KAZALD1: variants seen among roughly 807,000 people sequenced by gnomAD.
KAZALD1 encodes Kazal type serine peptidase inhibitor domain 1.
Under a neutral mutation model 27.7 loss-of-function variants are expected in KAZALD1, and 31 were observed. The observed-to-expected ratio is 1.12, with a 90% confidence interval of 0.84 to 1.51. KAZALD1 has a LOEUF of 1.51. KAZALD1 is among the 40% of genes most tolerant of loss of function. The pLI is 0.00. For synonymous variants in KAZALD1, 179 were observed against 182.0 expected (o/e 0.98, Z 0.13); for missense variants, 444 against 408.9 (o/e 1.09, Z -0.74).
Position 101,065,167 on chromosome 10 carries a change from GC to G in KAZALD1, c.*250del, listed in dbSNP as rs1939288440. The G allele has an allele frequency of 1.2e-5, 6 of 489,470 alleles. No individual in the cohort carries two copies. The South Asian group carries it at 1.4e-4, about 11-fold the overall frequency. The allele number at this position is 489,470 out of a possible 1,614,324, so 30.3% of individuals were successfully genotyped here. A position where few individuals can be genotyped will look rare whatever the true frequency, so the allele number is the denominator to read the frequency against. ...GTACAAAGGGGCCCATGCAGGAGAT[GC>G]CCTGGCCAGTAGGACCTCCAACAGG... On this transcript the variant is annotated 3_prime_UTR_variant, in exon 5 of 5. Transcript: ENST00000370200.
chr10:101,062,861 G>T lies in KAZALD1; in HGVS notation c.269G>T (p.Cys90Phe). The stretch of plus-strand genomic sequence containing the variant: ...TGCGCCAACCTCGAGGGCCAGCTCT[G>T]CGACCTGGACCCCAGTGCTCACTTC... ...WECANLEGQL[C>F]DLDPSAHFYG... Residue 90 changes from cysteine (C) to phenylalanine (F), a missense_variant, in exon 2 of 5, where the codon TGC becomes TTC. By Grantham distance (205) the Cys-to-Phe change is radical. Transcript: ENST00000370200. 1 of 1,600,096 alleles carries T rather than the reference G, an allele frequency of 6.2e-7. No individual in the cohort carries two copies.
In KAZALD1 at chr10:101,064,547, T is replaced by C; in HGVS notation, c.719T>C (p.Ile240Thr). Residue 240 changes from isoleucine to threonine, a missense_variant, in exon 4 of 5, where the codon ATC becomes ACC. By Grantham distance (89) the Ile-to-Thr change is moderately conservative (BLOSUM62 -1). Transcript: ENST00000370200. ...TTTGAGGTGACTGGCTGGCTGCAGA[T>C]CCAGGCTGTGCGTCCCAGTGATGAG... is the stretch of plus-strand genomic sequence containing the variant. ...QRFEVTGWLQ[I>T]QAVRPSDEGT... The C allele has an allele frequency of 6.2e-7, 1 of 1,614,150 alleles. No homozygotes were observed. Among genetic ancestry groups the C allele is most frequent in the Non-Finnish European group, 8.5e-7 (1 of 1,180,034 alleles).
rs768557290 is a variant in KAZALD1, at chr10:101,066,543, A to G, written c.*1623A>G. 9 of 440,320 alleles carry G rather than the reference A, an allele frequency of 2.0e-5. No individual in the cohort carries two copies. Among genetic ancestry groups the G allele is most frequent in the Non-Finnish European group, 3.7e-5 (8 of 214,366 alleles). 27.3% of individuals were successfully genotyped at this position (440,320 alleles called of 1,614,324 possible). A position where few individuals can be genotyped will look rare whatever the true frequency, so the allele number is the denominator to read the frequency against. ...CCAGGGCGCCCACAGAAGCAGAATCAGAGGGGTAGGCGGGGGTGGGGCGTG... is the reference window on the plus strand; with the variant it reads ...CCAGGGCGCCCACAGAAGCAGAATCGGAGGGGTAGGCGGGGGTGGGGCGTG... On this transcript the variant is annotated 3_prime_UTR_variant, in exon 5 of 5. Transcript: ENST00000370200.
chr10:101,066,192 G>A lies in KAZALD1; in HGVS notation c.*1272G>A, dbSNP rs986345130. Reference sequence around the variant, plus strand: ...AGTCAGCGAGGCCGAGGCGCTGTGTGTAGATGGCGACAGCCTCCTACACGC... The same window carrying A: ...AGTCAGCGAGGCCGAGGCGCTGTGTATAGATGGCGACAGCCTCCTACACGC... On this transcript the variant is annotated 3_prime_UTR_variant, in exon 5 of 5. Transcript: ENST00000370200. 13 of 341,314 alleles carry A rather than the reference G, an allele frequency of 3.8e-5. No homozygotes were observed. The highest frequency in any genetic ancestry group is 2.8e-4 in the African/African-American group (13 of 46,518). The allele number at this position is 341,314 out of a possible 1,614,324, so 21.1% of individuals were successfully genotyped here.
chr10:101,068,017 T>G (rs776610987), downstream of KAZALD1: 10 of 471,764 alleles, frequency 2.1e-5, no homozygotes, highest in South Asian at 1.4e-4. Context: ...GTACAGGAAG[T>G]AGCGAAGGAG....
chr10:101,064,206 A>T (rs1007698685), intron 2 of KAZALD1, 55 bp from the exon 3 acceptor site: 46 of 1,601,914 alleles, frequency 2.9e-5, no homozygotes, highest in Admixed American at 6.7e-5. Flanking sequence ...TCTTTGCCAG[A>T]CTGGATGCCT....
Position 101,066,180 on chromosome 10 carries a change from G to A in KAZALD1, c.*1260G>A, listed in dbSNP as rs190873125. 1 of 331,252 alleles carries A rather than the reference G, an allele frequency of 3.0e-6. No homozygotes were observed. Among genetic ancestry groups the A allele is most frequent in the African/African-American group, 2.2e-5 (1 of 46,296 alleles). The allele number at this position is 331,252 out of a possible 1,614,324, so 20.5% of individuals were successfully genotyped here. ...AATGAAAGCATAAGTCAGCGAGGCCGAGGCGCTGTGTGTAGATGGCGACAG... is the reference window on the plus strand; with the variant it reads ...AATGAAAGCATAAGTCAGCGAGGCCAAGGCGCTGTGTGTAGATGGCGACAG... On this transcript the variant is annotated 3_prime_UTR_variant, in exon 5 of 5. Coordinates refer to ENST00000370200, the MANE Select transcript of KAZALD1 (RefSeq NM_030929.5).
Position 101,065,193 on chromosome 10 carries a change from G to T in KAZALD1, c.*273G>T. On this transcript the variant is annotated 3_prime_UTR_variant, in exon 5 of 5. Coordinates refer to ENST00000370200, the MANE Select transcript of KAZALD1 (RefSeq NM_030929.5). ...CCCTGGCCAGTAGGACCTCCAACAG[G>T]TTGTTTCCCAGGCTGGGGTGGGGGC... 1 of 422,004 alleles carries T rather than the reference G, an allele frequency of 2.4e-6. No individual in the cohort carries two copies. Among genetic ancestry groups the T allele is most frequent in the South Asian group, 2.8e-5 (1 of 35,232 alleles). The allele number at this position is 422,004 out of a possible 1,614,324, so 26.1% of individuals were successfully genotyped here.
In KAZALD1 at chr10:101,062,945, G is replaced by A. The variant is rs1219347913; in HGVS notation, c.353G>A (p.Arg118His). Residue 118 changes from arginine to histidine, a missense_variant, in exon 2 of 5, where the codon CGC becomes CAC. Physicochemically the swap from Arg to His is conservative, Grantham distance 29. Coordinates refer to ENST00000370200, the MANE Select transcript of KAZALD1 (RefSeq NM_030929.5). ...CRLDTGGDLS[R>H]GEVPEPLCAC... ...CTGGACACAGGCGGCGACCTGAGCCGCGGAGAGGTGCCGGAACCTCTGTGT... is the reference window on the plus strand; with the variant it reads ...CTGGACACAGGCGGCGACCTGAGCCACGGAGAGGTGCCGGAACCTCTGTGT... 2.5e-6 allele frequency: 4 copies of A among 1,601,976 alleles called. No individual in the cohort carries two copies. The African/African-American group carries it at 4.0e-5, about 16-fold the overall frequency.
chr10:101,067,834 G>A, downstream of KAZALD1: 1 of 440,330 alleles, frequency 2.3e-6, no homozygotes, highest in Admixed American at 2.7e-5. Flanking sequence ...AGATGAACCC[G>A]ACTCAGAGAG....
At chr10:101,064,129 A>G in intron 2 of KAZALD1, 132 bp from the exon 3 acceptor site, 1 of 842,016 alleles carries the variant, frequency 1.2e-6, no homozygotes, top group Non-Finnish European at 1.9e-6. Context: ...GTGTTTATGG[A>G]TGTGTATTTA....
chr10:101,065,927 G>A lies in KAZALD1; in HGVS notation c.*1007G>A, dbSNP rs753387701. ...CCAAAATGAAAGCATAAACTGGATA[G>A]AGGAGGGTGGAAGTTTGGTCACCTG... On this transcript the variant is annotated 3_prime_UTR_variant, in exon 5 of 5. Transcript: ENST00000370200. 5.9e-5 allele frequency among the ~76,000 whole-genome samples: 9 copies of A among 152,212 alleles called. No individual in the cohort carries two copies. The highest frequency in any genetic ancestry group is 1.2e-4 in the Non-Finnish European group (8 of 68,032).
chr10:101,064,915 T>C lies in KAZALD1; in HGVS notation c.910T>C (p.Tyr304His), dbSNP rs1939281005. 1 of 1,611,514 alleles carries C rather than the reference T, an allele frequency of 6.2e-7. No individual in the cohort carries two copies. The highest frequency in any genetic ancestry group is 8.5e-7 in the Non-Finnish European group (1 of 1,177,780). Reference sequence around the variant, plus strand: ...TGAGAGTGAAGAGAATGACGATTACTACTAGGTCCAGAGCTCTGGCCCATG... The same window carrying C: ...TGAGAGTGAAGAGAATGACGATTACCACTAGGTCCAGAGCTCTGGCCCATG... ...EAESEENDDY[Y>H] The change falls in exon 5 of 5, where the codon TAC (tyrosine) becomes CAC (histidine). Residue 304 changes from tyrosine (Y) to histidine (H), a missense_variant. Physicochemically the swap from Tyr to His is moderately conservative, Grantham distance 83. Transcript: ENST00000370200.
Position 101,062,801 on chromosome 10 carries a change from G to C in KAZALD1, c.209G>C (p.Gly70Ala), listed in dbSNP as rs762455173. ...GCCGCGCCGCGGGGCTGCCTGGCGG[G>C]CAGGGTGCGCGACGCGTGCGGCTGC... ...ECAAPRGCLA[G>A]RVRDACGCCW... Residue 70 changes from glycine (G) to alanine (A), a missense_variant, in exon 2 of 5, where the codon GGC becomes GCC. Coordinates refer to ENST00000370200, the MANE Select transcript of KAZALD1 (RefSeq NM_030929.5). 28 of 1,576,062 alleles carry C rather than the reference G, an allele frequency of 1.8e-5. No individual in the cohort carries two copies. In the South Asian group the frequency reaches 3.1e-4, roughly 17 times the overall value.
chr10:101,064,805 T>G, intron 4 of KAZALD1, 21 bp from the exon 5 acceptor site: 1 of 1,612,514 alleles, frequency 6.2e-7, no homozygotes, highest in Non-Finnish European at 8.5e-7. Flanking sequence ...TTCTCTCTTC[T>G]TTGCCCATGT....
chr10:101,067,980 A>G, downstream of KAZALD1: 1 of 469,410 alleles, frequency 2.1e-6, no homozygotes. Context: ...CTTAGCGGAA[A>G]GAGGCGACAT....
intron 2 of KAZALD1, 66 bp from the exon 3 acceptor site, chr10:101,064,195 G>T: frequency 6.3e-7 from 1 of 1,584,346 alleles, no homozygotes. Context: ...TGTGTATCAT[G>T]TCTTTGCCAG....
downstream of KAZALD1, chr10:101,067,185 G>T: frequency 2.3e-6 from 1 of 443,650 alleles, no homozygotes. Context: ...CTGAGCCGCT[G>T]CCAGAACTCC....
In KAZALD1 at chr10:101,064,921, G is replaced by A. The variant is rs1270600612; in HGVS notation, c.*1G>A. The A allele has an allele frequency of 2.5e-6, 4 of 1,609,896 alleles. No homozygotes were observed. The highest frequency in any genetic ancestry group is 3.4e-6 in the Non-Finnish European group (4 of 1,176,226). On this transcript the variant is annotated 3_prime_UTR_variant, in exon 5 of 5. Transcript: ENST00000370200. ...TGAAGAGAATGACGATTACTACTAG[G>A]TCCAGAGCTCTGGCCCATGGGGGTG...
Sources: allele counts gnomAD v4.1 joint callset (sites outside exome capture counted in the v4.1 genomes callset), GRCh38; gene constraint gnomAD v4.1.1; transcripts MANE v1.5; gene names NCBI Gene and HGNC (gene_info 2026-07-23, HGNC 2026-07-21).